Variants in RBM33 observed in about 807,000 individuals in gnomAD.
The protein encoded by RBM33 is RNA binding motif protein 33.
RBM33 carries 28 observed loss-of-function variants against 132.6 expected under a neutral mutation model. The ratio of observed to expected loss-of-function variants is 0.21; its 90% CI spans 0.16 to 0.29. The LOEUF (loss-of-function observed/expected upper bound fraction) is 0.29, where lower values mean the gene tolerates loss of function less well. RBM33 is among the 10% of genes least tolerant of loss of function. The probability of loss-of-function intolerance (pLI) is 1.00; values close to 1 mark genes in which losing one functional copy is unlikely to be tolerated. For synonymous variants in RBM33, 634 were observed against 593.0 expected (o/e 1.07, Z -1.01); for missense variants, 1,291 against 1,518.5 (o/e 0.85, Z 2.49).
chr7:155,746,528 T>C (rs1016747968), intron 14 of RBM33: 2 of 152,236 alleles, frequency 1.3e-5, no homozygotes, highest in African/African-American at 4.8e-5. Context: ...AGTTTTCCAC[T>C]GTAGTTTGGA....
Position 155,739,999 on chromosome 7 carries a change from G to A in RBM33, c.2022G>A (p.Gln674=). ...AQPQASSSRM[Q]CPQRQGLRHN... is the part of the protein sequence containing the mutation. Reference sequence around the variant, plus strand: ...CTCAGGCCAGCAGCAGCCGGATGCAGTGCCCCCAGCGCCAGGGGCTCCGGC... The same window carrying A: ...CTCAGGCCAGCAGCAGCCGGATGCAATGCCCCCAGCGCCAGGGGCTCCGGC... Residue 674 remains glutamine (Q), a synonymous_variant, in exon 12 of 18, where the codon CAG becomes CAA. Coordinates refer to ENST00000401878, the MANE Select transcript of RBM33 (RefSeq NM_053043.3). The A allele has an allele frequency of 6.4e-7, 1 of 1,561,252 alleles. No individual in the cohort carries two copies. Among genetic ancestry groups the A allele is most frequent in the East Asian group, 2.3e-5 (1 of 42,812 alleles).
At chr7:155,724,862 C>G (rs905837685) in intron 9 of RBM33, among the ~76,000 whole-genome samples, 2 of 152,128 alleles carry the variant, frequency 1.3e-5, no homozygotes, top group African/African-American at 4.8e-5. Flanking sequence ...TTTGTCTTTT[C>G]TATTGCTCAG....
intron 14 of RBM33, among the ~76,000 whole-genome samples, chr7:155,763,063 A>G (rs1416167989): frequency 6.6e-6 from 1 of 152,262 alleles, no homozygotes; most frequent in African/African-American, 2.4e-5. Flanking sequence ...TCCAAGGTGT[A>G]CGTGCCTCCT....
intron 2 of RBM33, among the ~76,000 whole-genome samples, chr7:155,671,530 A>G (rs947082393): frequency 3.3e-5 from 5 of 152,206 alleles, no homozygotes; most frequent in African/African-American, 1.2e-4. Flanking sequence ...AGAAACATGC[A>G]TTTCATTATA....
At position 155,766,410 on chromosome 7, in the gene RBM33, G is replaced by T. The variant is rs1802218201; in HGVS notation, c.3187-57G>T. ...TATTTGTTCACTTTTATATCTTAGT[G>T]ACTATCGAAGAAGCTCAGGCTTGAA... On this transcript the variant is annotated intron_variant, in intron 15 of 17. Coordinates refer to ENST00000401878, the MANE Select transcript of RBM33 (RefSeq NM_053043.3). 6 of 1,554,998 alleles carry T rather than the reference G, an allele frequency of 3.9e-6. No homozygotes were observed. The African/African-American group carries it at 8.1e-5, about 21-fold the overall frequency.
At chr7:155,654,793 A>C (rs1486240931) in intron 1 of RBM33, among the ~76,000 whole-genome samples, 2 of 152,222 alleles carry the variant, frequency 1.3e-5, no homozygotes, top group Non-Finnish European at 2.9e-5. Context: ...AATTTACATA[A>C]TATGAAACTT....
intron 6 of RBM33, among the ~76,000 whole-genome samples, chr7:155,704,356 T>C (rs1487673604): frequency 6.6e-6 from 1 of 152,228 alleles, no homozygotes. Context: ...CCAAGGACGA[T>C]ACAGAACTAC....
chr7:155,712,137 G>A (rs937279532), intron 8 of RBM33, among the ~76,000 whole-genome samples: 3 of 152,330 alleles, frequency 2.0e-5, no homozygotes, highest in Non-Finnish European at 4.4e-5. Flanking sequence ...TAAGTCTCCC[G>A]GTGAGGATGT....
At chr7:155,720,984 A>G (rs1800607005) in intron 9 of RBM33, among the ~76,000 whole-genome samples, 1 of 152,254 alleles carries the variant, frequency 6.6e-6, no homozygotes, top group Admixed American at 6.5e-5. Flanking sequence ...ACGCAAAAAT[A>G]GATTTGAATT....
chr7:155,759,575 G>A (rs535631612), intron 14 of RBM33, among the ~76,000 whole-genome samples: 22 of 151,832 alleles, frequency 1.4e-4, no homozygotes, highest in African/African-American at 2.9e-4. Flanking sequence ...CCGCCACCGC[G>A]CCCGGCTAAT....
At chr7:155,666,883 CTTT>C (rs1000088544) in intron 2 of RBM33, among the ~76,000 whole-genome samples, 1 of 152,068 alleles carries the variant, frequency 6.6e-6, no homozygotes, top group African/African-American at 2.4e-5. Context: ...GATGTATAAT[CTTT>C]TTTCTGTGTA....
chr7:155,656,537 T>C (rs1798495805), intron 1 of RBM33, among the ~76,000 whole-genome samples: 1 of 152,226 alleles, frequency 6.6e-6, no homozygotes, highest in Non-Finnish European at 1.5e-5. Flanking sequence ...GGAGTCAGAT[T>C]TCTTTCATGT....
intron 14 of RBM33, among the ~76,000 whole-genome samples, chr7:155,756,642 G>GT (rs1282756412): frequency 1.3e-5 from 2 of 152,112 alleles, no homozygotes; most frequent in African/African-American, 2.4e-5. Context: ...ACATGAAATG[G>GT]TAGCTGGGAT....
At chr7:155,651,299 T>G (rs1798346674) in intron 1 of RBM33, among the ~76,000 whole-genome samples, 1 of 152,176 alleles carries the variant, frequency 6.6e-6, no homozygotes, top group South Asian at 2.1e-4. Flanking sequence ...ATTTTAGATT[T>G]GAGTTTATTT....
At chr7:155,706,530 G>T (rs937076349) in intron 6 of RBM33, among the ~76,000 whole-genome samples, 1 of 152,194 alleles carries the variant, frequency 6.6e-6, no homozygotes, top group African/African-American at 2.4e-5. Context: ...ATGCCTTGTC[G>T]TGTGAGGGCA....
intron 9 of RBM33, among the ~76,000 whole-genome samples, chr7:155,729,848 C>T (rs779258072): frequency 2.0e-5 from 3 of 151,968 alleles, no homozygotes; most frequent in Non-Finnish European, 4.4e-5. Flanking sequence ...CTGTTTGGTC[C>T]TTGTGCACTG....
intron 5 of RBM33, among the ~76,000 whole-genome samples, chr7:155,687,051 C>A (rs1368610419): frequency 6.6e-6 from 1 of 152,162 alleles, no homozygotes; most frequent in African/African-American, 2.4e-5. Flanking sequence ...TGAGGAGTTG[C>A]CACACTGTCT....
chr7:155,675,543 CAA>C (rs1799159539), intron 3 of RBM33, among the ~76,000 whole-genome samples: 1 of 152,024 alleles, frequency 6.6e-6, no homozygotes, highest in Non-Finnish European at 1.5e-5. Context: ...CAAGCATACA[CAA>C]AAGAGGAGAG....
chr7:155,653,585 G>GA (rs1798414696), intron 1 of RBM33, among the ~76,000 whole-genome samples: 2 of 148,290 alleles, frequency 1.3e-5, no homozygotes, highest in Non-Finnish European at 3.0e-5. Flanking sequence ...CTCGAGGGGA[G>GA]GGGCTGGAGA....
Sources: allele counts gnomAD v4.1 joint callset (sites outside exome capture counted in the v4.1 genomes callset), GRCh38; gene constraint gnomAD v4.1.1; transcripts MANE v1.5; gene names NCBI Gene and HGNC (gene_info 2026-07-23, HGNC 2026-07-21).